Variants in ERBB4 observed in about 807,000 individuals in gnomAD.
ERBB4 encodes the protein receptor tyrosine-protein kinase erbB-4.
Under a neutral mutation model 158.0 loss-of-function variants are expected in ERBB4, and 42 were observed. The observed-to-expected ratio is 0.27, with a 90% CI of 0.21 to 0.34. ERBB4 has a LOEUF of 0.34. ERBB4 is among the 10% of genes least tolerant of loss of function. The pLI, the probability that ERBB4 is intolerant of heterozygous loss-of-function variation, is 1.00. For synonymous variants in ERBB4, 583 were observed against 558.7 expected, an observed-to-expected ratio of 1.04 and a Z score of -0.61; for missense variants, 1,333 against 1,624.1, an observed-to-expected ratio of 0.82 and a Z score of 3.08.
chr2:211,806,770 A>C (rs373866489), intron 3 of ERBB4, among the ~76,000 whole-genome samples: 86 of 152,236 alleles, frequency 5.6e-4, no homozygotes, highest in African/African-American at 2.1e-3. Flanking sequence ...AAACAAGCAA[A>C]CTGCACAAGG....
At chr2:211,720,827 A>G (rs1459787333) in intron 7 of ERBB4, among the ~76,000 whole-genome samples, 1 of 152,224 alleles carries the variant, frequency 6.6e-6, no homozygotes, top group Non-Finnish European at 1.5e-5. Context: ...GCATACTTAC[A>G]CCGTTCTCCC....
At chr2:212,327,253 T>A (rs1414011204) in intron 1 of ERBB4, among the ~76,000 whole-genome samples, 4 of 152,096 alleles carry the variant, frequency 2.6e-5, no homozygotes, top group South Asian at 4.2e-4. Flanking sequence ...TTTAACTTGA[T>A]CTTCATGATA....
chr2:212,292,251 C>T (rs569426367), intron 1 of ERBB4, among the ~76,000 whole-genome samples: 51 of 152,040 alleles, frequency 3.4e-4, no homozygotes, highest in African/African-American at 1.2e-3. Context: ...AATCACACTT[C>T]TATTTGATAA....
chr2:211,459,756 A>G (rs2064481224), intron 20 of ERBB4, among the ~76,000 whole-genome samples: 1 of 152,154 alleles, frequency 6.6e-6, no homozygotes, highest in Non-Finnish European at 1.5e-5. Flanking sequence ...TAAATTACCC[A>G]GCCTTGGGTA....
intron 1 of ERBB4, among the ~76,000 whole-genome samples, chr2:212,432,724 AC>A (rs2092055296): frequency 1.3e-5 from 2 of 152,164 alleles, no homozygotes; most frequent in African/African-American, 4.8e-5. Context: ...AACACATTTA[AC>A]ATCATTAATA....
rs2074149095 is a variant in ERBB4 at position 211,722,899 on chromosome 2, A to T, written c.742-365T>A. On this transcript the variant is annotated intron_variant, in intron 6 of 27. Coordinates refer to ENST00000342788, the MANE Select transcript of ERBB4 (RefSeq NM_005235.3). ...CCAAATCCCTAATTCTACAGGCTAG[A>T]TGTCCACTTGAGCTGGTATTTTAAA... 1.6e-4 allele frequency among the ~76,000 whole-genome samples: 24 copies of T among 152,364 alleles called. 1 individual carries two copies. The South Asian group carries it at 5.0e-3, about 32-fold the overall frequency.
chr2:211,997,504 A>T (rs1010286089), intron 2 of ERBB4, among the ~76,000 whole-genome samples: 1 of 152,158 alleles, frequency 6.6e-6, no homozygotes, highest in African/African-American at 2.4e-5. Context: ...TATAAATAAT[A>T]TCAAATAATC....
intron 7 of ERBB4, among the ~76,000 whole-genome samples, chr2:211,716,486 C>G (rs1423884023): frequency 6.6e-6 from 1 of 151,050 alleles, no homozygotes; most frequent in African/African-American, 2.4e-5. Context: ...ACCATCCCGG[C>G]TAACACGGTG....
chr2:212,474,839 T>TTTTG (rs1245995165), intron 1 of ERBB4, among the ~76,000 whole-genome samples: 2 of 136,160 alleles, frequency 1.5e-5, no homozygotes, highest in Admixed American at 7.0e-5. Flanking sequence ...TTTTTTTTTT[T>TTTTG]TGTCAAGACA....
intron 1 of ERBB4, among the ~76,000 whole-genome samples, chr2:212,288,616 G>A (rs1235194383): frequency 1.3e-5 from 2 of 152,102 alleles, no homozygotes; most frequent in African/African-American, 4.8e-5. Context: ...TCGCTTTGCT[G>A]ATAGTCCTTC....
intron 5 of ERBB4, among the ~76,000 whole-genome samples, chr2:211,732,010 ATT>A (rs111911983): frequency 6.6e-4 from 97 of 146,692 alleles, no homozygotes; most frequent in African/African-American, 2.4e-3. Context: ...CAGAAAATTC[ATT>A]TTTTTTTTTT....
intron 3 of ERBB4, among the ~76,000 whole-genome samples, chr2:211,906,700 C>A (rs2125045508): frequency 6.6e-6 from 1 of 151,534 alleles, no homozygotes; most frequent in East Asian, 2.0e-4. Flanking sequence ...CCTCTCCCTC[C>A]TCCCACCCTC....
intron 20 of ERBB4, among the ~76,000 whole-genome samples, chr2:211,496,940 C>CT (rs148010834): frequency 0.031 from 4,734 of 152,138 alleles, 248 homozygotes; most frequent in African/African-American, 0.11. Context: ...ATTTCATACT[C>CT]TTTTTTCCTA....
chr2:211,834,945 T>G (rs2105981091), intron 3 of ERBB4, among the ~76,000 whole-genome samples: 1 of 152,248 alleles, frequency 6.6e-6, no homozygotes, highest in African/African-American at 2.4e-5. Flanking sequence ...TTCATATATT[T>G]TAAAACTTTT....
chr2:212,185,032 T>TC (rs2081979065), intron 1 of ERBB4, among the ~76,000 whole-genome samples: 2 of 104,244 alleles, frequency 1.9e-5, no homozygotes, highest in African/African-American at 6.6e-5. Flanking sequence ...TTTTTTTTTT[T>TC]TCTTTTGAGA....
At chr2:211,764,844 G>C (rs1048444628) in intron 4 of ERBB4, among the ~76,000 whole-genome samples, 1 of 152,126 alleles carries the variant, frequency 6.6e-6, no homozygotes. Flanking sequence ...CAAATGCTCA[G>C]AAAGTTCAAC....
intron 20 of ERBB4, among the ~76,000 whole-genome samples, chr2:211,481,299 T>C (rs908609081): frequency 1.3e-5 from 2 of 152,202 alleles, no homozygotes; most frequent in Non-Finnish European, 1.5e-5. Context: ...ACACACATGT[T>C]TGAATTCTAA....
intron 3 of ERBB4, among the ~76,000 whole-genome samples, chr2:211,899,600 A>G (rs1053109901): frequency 1.3e-5 from 2 of 152,110 alleles, no homozygotes; most frequent in African/African-American, 4.8e-5. Flanking sequence ...TAGTACTTAC[A>G]TTTGATAAAA....
At chr2:212,352,638 C>T (rs1281413660) in intron 1 of ERBB4, among the ~76,000 whole-genome samples, 21 of 152,058 alleles carry the variant, frequency 1.4e-4, no homozygotes, top group African/African-American at 4.3e-4. Context: ...GAGGCTGAGA[C>T]GGGAGGATCA....
Sources: gnomAD v4.1 joint callset for allele counts (sites outside exome capture counted in the v4.1 genomes callset) on GRCh38, gnomAD v4.1.1 for gene constraint, MANE v1.5 for transcripts, NCBI Gene and HGNC (gene_info 2026-07-23, HGNC 2026-07-21) for gene names.